The following UNC13B variants were observed in gnomAD, a reference collection of about 807,000 sequenced individuals.
The protein encoded by UNC13B is unc-13 homolog B.
In UNC13B, 144 loss-of-function variants were observed where a neutral mutation model predicts 211.0. The ratio of observed to expected loss-of-function variants is 0.68; its 90% CI spans 0.60 to 0.78. The LOEUF (loss-of-function observed/expected upper bound fraction) is 0.78, where lower values mean the gene tolerates loss of function less well. UNC13B is among the 30% of genes least tolerant of loss of function. The probability of loss-of-function intolerance (pLI) is 0.00; values close to 1 mark genes in which losing one functional copy is unlikely to be tolerated. For missense variants in UNC13B, 1,777 were observed against 2,002.0 expected, an observed-to-expected ratio of 0.89 and a Z score of 2.14; for synonymous variants, 709 against 725.8, an observed-to-expected ratio of 0.98 and a Z score of 0.37.
intron 12 of UNC13B, among the ~76,000 whole-genome samples, chr9:35,367,665 G>T (rs1833860178): frequency 6.6e-6 from 1 of 151,896 alleles, no homozygotes; most frequent in Non-Finnish European, 1.5e-5. Flanking sequence ...TCCTGCTCCA[G>T]CTGTTGTGAG....
chr9:35,234,941 T>C (rs1420407000), intron 3 of UNC13B, among the ~76,000 whole-genome samples: 1 of 152,174 alleles, frequency 6.6e-6, no homozygotes, highest in African/African-American at 2.4e-5. Context: ...TAAATAGCTG[T>C]TGTTTTCCTG....
At chr9:35,187,433 A>G (rs1265625992) in intron 1 of UNC13B, among the ~76,000 whole-genome samples, 2 of 152,236 alleles carry the variant, frequency 1.3e-5, no homozygotes, top group African/African-American at 2.4e-5. Flanking sequence ...GTAGTCAAAA[A>G]AACTTAAAAA....
At chr9:35,213,658 C>T (rs1348066205) in intron 1 of UNC13B, among the ~76,000 whole-genome samples, 1 of 152,050 alleles carries the variant, frequency 6.6e-6, no homozygotes, top group African/African-American at 2.4e-5. Context: ...GGGTCATATG[C>T]TCAGTTAAAG....
chr9:35,392,895 G>C (rs1444680914), intron 26 of UNC13B, among the ~76,000 whole-genome samples: 1 of 151,740 alleles, frequency 6.6e-6, no homozygotes, highest in Non-Finnish European at 1.5e-5. Flanking sequence ...CATTATTAAG[G>C]TATCATTTAT....
At chr9:35,295,348 C>T (rs1208894337) in intron 7 of UNC13B, among the ~76,000 whole-genome samples, 5 of 152,202 alleles carry the variant, frequency 3.3e-5, no homozygotes, top group East Asian at 3.9e-4. Context: ...TAACAGGGGA[C>T]CAGACTGTAT....
In UNC13B at chr9:35,370,339, C is replaced by T. The variant is rs776991309; in HGVS notation, c.9483C>T (p.Gly3161=). The change falls in exon 13 of 40, where the codon GGC becomes GGT. Residue 3161 remains glycine, a synonymous_variant. Coordinates refer to ENST00000635942, the MANE Select transcript of UNC13B (RefSeq NM_001371189.2). ...LPEGPAGGLY[G]IDSMPDLRRK... Reference sequence around the variant, plus strand: ...TCAGGCCAGCCGGAGGGCTCTATGGCATTGACAGCATGCCAGATTTACGCA... The same window carrying T: ...TCAGGCCAGCCGGAGGGCTCTATGGTATTGACAGCATGCCAGATTTACGCA... 2.5e-6 allele frequency: 4 copies of T among 1,613,852 alleles called. No individual in the cohort carries two copies. Among genetic ancestry groups the T allele is most frequent in the Non-Finnish European group, 3.4e-6 (4 of 1,180,002 alleles).
intron 11 of UNC13B, among the ~76,000 whole-genome samples, chr9:35,345,925 T>C (rs1832327749): frequency 6.6e-6 from 1 of 152,166 alleles, no homozygotes; most frequent in African/African-American, 2.4e-5. Flanking sequence ...AAGTTTTCTT[T>C]CCCTTGTATA....
At chr9:35,344,044 T>C (rs1832191658) in intron 11 of UNC13B, among the ~76,000 whole-genome samples, 1 of 152,224 alleles carries the variant, frequency 6.6e-6, no homozygotes, top group African/African-American at 2.4e-5. Context: ...ATTATATTTC[T>C]GTTAGTCAGT....
intron 26 of UNC13B, among the ~76,000 whole-genome samples, chr9:35,393,518 C>T (rs1015134547): frequency 1.9e-4 from 29 of 150,322 alleles, no homozygotes; most frequent in Non-Finnish European, 3.2e-4. Context: ...AGAGGTGTGA[C>T]GGAGTCAGAT....
intron 10 of UNC13B, among the ~76,000 whole-genome samples, chr9:35,313,213 C>T (rs150579366): frequency 2.6e-5 from 4 of 152,006 alleles, no homozygotes; most frequent in Admixed American, 1.3e-4. Context: ...ATGACAAAAA[C>T]GAGTAGGAAA....
chr9:35,389,374 C>T (rs1587753385), intron 24 of UNC13B, among the ~76,000 whole-genome samples: 1 of 152,176 alleles, frequency 6.6e-6, no homozygotes, highest in South Asian at 2.1e-4. Context: ...TGTTCAGTAG[C>T]TCCTGCAGAA....
chr9:35,267,454 A>T (rs1827638955), intron 7 of UNC13B, among the ~76,000 whole-genome samples: 1 of 151,880 alleles, frequency 6.6e-6, no homozygotes, highest in African/African-American at 2.4e-5. Flanking sequence ...TTTAAAAATT[A>T]TTATGCTTTA....
rs773300549 is a variant in UNC13B, at chr9:35,375,176, G to A, written c.9590G>A (p.Arg3197His). The A allele has an allele frequency of 1.4e-5, 23 of 1,614,006 alleles. No individual in the cohort carries two copies. Among genetic ancestry groups the A allele is most frequent in the Admixed American group, 6.7e-5 (4 of 60,004 alleles). Residue 3197 changes from arginine to histidine, a missense_variant, in exon 14 of 40, where the codon CGC becomes CAC. Arg to His is a conservative substitution (Grantham distance 29). Transcript: ENST00000635942. ...GGAATCACTTCTGCAATGGCTACAC[G>A]CACTTCTCTTAAGGACGAAGAGCTG... is the stretch of plus-strand genomic sequence containing the variant. ...KAGITSAMAT[R>H]TSLKDEELKS...
chr9:35,170,600 C>A (rs974580052), intron 1 of UNC13B, among the ~76,000 whole-genome samples: 1 of 151,680 alleles, frequency 6.6e-6, no homozygotes, highest in Non-Finnish European at 1.5e-5. Flanking sequence ...TTCTGAGTAC[C>A]TGGGACTACA....
intron 11 of UNC13B, among the ~76,000 whole-genome samples, chr9:35,329,498 T>C (rs937380596): frequency 5.3e-5 from 8 of 151,690 alleles, no homozygotes; most frequent in African/African-American, 1.9e-4. Flanking sequence ...GAGATTTTTT[T>C]TTTTTTTGAG....
At chr9:35,171,908 G>A (rs4879876) in intron 1 of UNC13B, among the ~76,000 whole-genome samples, 27,719 of 152,122 alleles carry the variant, frequency 0.18, 3,150 homozygotes, top group Non-Finnish European at 0.26. Flanking sequence ...TATAGCAGGA[G>A]TGATTTAGAT....
At chr9:35,322,339 G>A (rs188849731) in intron 11 of UNC13B, among the ~76,000 whole-genome samples, 4 of 152,144 alleles carry the variant, frequency 2.6e-5, no homozygotes, top group South Asian at 2.1e-4. Flanking sequence ...CGGAGATTGC[G>A]GTGGCAGCGG....
intron 6 of UNC13B, among the ~76,000 whole-genome samples, chr9:35,251,259 C>T (rs576380437): frequency 2.4e-3 from 372 of 152,190 alleles, no homozygotes; most frequent in South Asian, 5.4e-3. Context: ...TCACCGCGCC[C>T]GGCCTACTCT....
intron 6 of UNC13B, among the ~76,000 whole-genome samples, chr9:35,248,334 GT>G (rs1324355911): frequency 1.1e-4 from 17 of 151,996 alleles, no homozygotes; most frequent in African/African-American, 3.9e-4. Context: ...TTTTTGAAGG[GT>G]TTTTTGTGTC....
Sources: allele counts gnomAD v4.1 joint callset (sites outside exome capture counted in the v4.1 genomes callset), GRCh38; gene constraint gnomAD v4.1.1; transcripts MANE v1.5; gene names NCBI Gene and HGNC (gene_info 2026-07-23, HGNC 2026-07-21).